Variants in IFI27 observed in about 807,000 individuals in gnomAD.
IFI27 encodes interferon alpha-inducible protein 27, mitochondrial.
A neutral mutation model predicts 8.9 loss-of-function variants in IFI27; 3 were observed. That is an observed-to-expected ratio of 0.34 (90% CI 0.15 to 0.87). IFI27 has a LOEUF of 0.87. IFI27 is among the 40% of genes least tolerant of loss of function. The probability of loss-of-function intolerance (pLI) is 0.51; values close to 1 mark genes in which losing one functional copy is unlikely to be tolerated. For missense variants in IFI27, 152 were observed against 157.7 expected (o/e 0.96, Z 0.19); for synonymous variants, 66 against 67.3 (o/e 0.98, Z 0.09).
chr14:94,108,866 G>A (rs929256424), upstream of IFI27, among the ~76,000 whole-genome samples: 1 of 152,190 alleles, frequency 6.6e-6, no homozygotes, highest in African/African-American at 2.4e-5. Flanking sequence ...GACCAGGGTG[G>A]CCTTTTTGTT....
At chr14:94,115,545 G>A (rs928956030) in intron 3 of IFI27, 5 of 608,898 alleles carry the variant, frequency 8.2e-6, no homozygotes. Flanking sequence ...AGGTCCTGCT[G>A]CCCAGAAGAG....
At chr14:94,115,669 G>A (rs1190982769) in intron 3 of IFI27, 112 bp from the exon 4 acceptor site, 8 of 1,133,640 alleles carry the variant, frequency 7.1e-6, no homozygotes, top group Admixed American at 5.3e-5. Flanking sequence ...TCTCTCCCAA[G>A]CTCAAAGTTC....
chr14:94,106,697 G>A (rs1235981204), upstream of IFI27, among the ~76,000 whole-genome samples: 1 of 152,324 alleles, frequency 6.6e-6, no homozygotes, highest in Non-Finnish European at 1.5e-5. Context: ...TTGGCTCATG[G>A]TTCTGCAGGG....
upstream of IFI27, chr14:94,110,585 A>G (rs939614791): frequency 6.6e-6 from 1 of 152,106 alleles, no homozygotes; most frequent in African/African-American, 2.4e-5. Context: ...AAATAACTGA[A>G]TTTTCTTCTG....
chr14:94,115,979 G>A (rs1213419872), intron 4 of IFI27, 37 bp downstream of exon 4: 2 of 1,548,114 alleles, frequency 1.3e-6, no homozygotes, highest in African/African-American at 1.4e-5. Context: ...GGAGGGCGAT[G>A]AGGAGGGCAA....
Position 94,116,563 on chromosome 14 carries a change from G to A in IFI27, c.*36G>A, listed in dbSNP as rs1206418030. The stretch of plus-strand genomic sequence containing the variant: ...CTCGCCCTGCAGAGAAGAGAACCAT[G>A]CCAGGGGAGAAGGCACCCAGCCATC... On this transcript the variant is annotated 3_prime_UTR_variant, in exon 5 of 5. Coordinates refer to ENST00000621160, the Ensembl canonical transcript of IFI27. The surrounding 1 kb of genome is among the most constrained non-coding windows in gnomAD (Gnocchi z 4.3). 4 of 1,551,764 alleles carry A rather than the reference G, an allele frequency of 2.6e-6. No homozygotes were observed. Among genetic ancestry groups the A allele is most frequent in the Non-Finnish European group, 2.7e-6 (3 of 1,131,134 alleles).
At chr14:94,115,423 C>T (rs1346275878) in intron 3 of IFI27, 7 of 566,282 alleles carry the variant, frequency 1.2e-5, no homozygotes, top group Non-Finnish European at 2.3e-5. Flanking sequence ...ATCTGCTCCC[C>T]TAATGAGATT....
At chr14:94,110,873 G>A (rs899903570) in intron 1 of IFI27, 76 bp downstream of exon 1, 28 of 154,318 alleles carry the variant, frequency 1.8e-4, no homozygotes, top group African/African-American at 4.8e-4. Context: ...CTCAGGGAGC[G>A]GAGGGGAGGC....
intron 2 of IFI27, chr14:94,114,419 A>G (rs1172154888): frequency 5.5e-6 from 1 of 180,422 alleles, no homozygotes; most frequent in African/African-American, 2.3e-5. Context: ...CGGTCAAACC[A>G]CCAAGCCCTA....
upstream of IFI27, among the ~76,000 whole-genome samples, chr14:94,110,383 C>T (rs186761048): frequency 2.6e-5 from 4 of 152,312 alleles, no homozygotes; most frequent in African/African-American, 4.8e-5. Context: ...ATCTGCCTAT[C>T]GCAAGGACTA....
chr14:94,111,814 G>A lies in IFI27; in HGVS notation c.91+41G>A. ...AGGGGCTGGTGCTGGGGGCGAGGAGGCGGCTGGGAAGGGCGGGGGTCCTGT... is the reference window on the plus strand; with the variant it reads ...AGGGGCTGGTGCTGGGGGCGAGGAGACGGCTGGGAAGGGCGGGGGTCCTGT... On this transcript the variant is annotated intron_variant, in intron 2 of 4. Transcript: ENST00000621160. The surrounding 1 kb of genome is among the most constrained non-coding windows in gnomAD (Gnocchi z 4.3). The A allele has an allele frequency of 6.6e-7, 1 of 1,517,252 alleles. No individual in the cohort carries two copies. Among genetic ancestry groups the A allele is most frequent in the African/African-American group, 1.4e-5 (1 of 73,148 alleles). 94.0% of individuals were successfully genotyped at this position (1,517,252 alleles called of 1,614,324 possible). A position where few individuals can be genotyped will look rare whatever the true frequency, so the allele number is the denominator to read the frequency against.
intron 2 of IFI27, chr14:94,114,630 C>A (rs1887318657): frequency 3.5e-6 from 2 of 567,134 alleles, no homozygotes; most frequent in Admixed American, 6.0e-5. Context: ...CACGTAAATT[C>A]ATTCAGGACA....
At chr14:94,115,179 T>G in intron 3 of IFI27, 2 of 656,516 alleles carry the variant, frequency 3.0e-6, no homozygotes, top group South Asian at 3.1e-5. Flanking sequence ...TGAACTCCTC[T>G]GAGCTCCTGT....
rs1317294828 is a variant in IFI27 at position 94,111,739 on chromosome 14, G to T, written c.57G>T (p.Arg19Ser). ...TGACCAGTGTGGCCAAAGTGGTCAGGGTGGCCTCTGGCTCTGCCGTAGTTT... is the reference window on the plus strand; with the variant it reads ...TGACCAGTGTGGCCAAAGTGGTCAGTGTGGCCTCTGGCTCTGCCGTAGTTT... Residue 19 changes from arginine to serine, a missense_variant, in exon 2 of 5, where the codon AGG becomes AGT. Physicochemically the swap from Arg to Ser is moderately radical, Grantham distance 110. Coordinates refer to ENST00000621160, the Ensembl canonical transcript of IFI27. The surrounding 1 kb of genome is among the most constrained non-coding windows in gnomAD (Gnocchi z 4.3). The T allele has an allele frequency of 2.5e-6, 4 of 1,614,084 alleles. No homozygotes were observed. The highest frequency in any genetic ancestry group is 3.4e-6 in the Non-Finnish European group (4 of 1,180,010).
chr14:94,115,911 G>C (rs777548394), exon 4 of IFI27: 2 of 1,591,044 alleles, frequency 1.3e-6, no homozygotes, highest in African/African-American at 1.3e-5. Flanking sequence ...GAGTTGCCTC[G>C]GGCAGCCTTG....
Position 94,116,616 on chromosome 14 carries a change from A to G in IFI27, c.*89A>G, listed in dbSNP as rs1887428101. 4 of 904,668 alleles carry G rather than the reference A, an allele frequency of 4.4e-6. No individual in the cohort carries two copies. The Admixed American group carries it at 8.1e-5, about 18-fold the overall frequency. The allele number at this position is 904,668 out of a possible 1,614,324, so 56.0% of individuals were successfully genotyped here. A position where few individuals can be genotyped will look rare whatever the true frequency, so the allele number is the denominator to read the frequency against. ...GACCCAGCGAGGAGCCAACTATCCC[A>G]AATATACCTGGGGTGAAATATACCA... On this transcript the variant is annotated 3_prime_UTR_variant, in exon 5 of 5. Transcript: ENST00000621160. This position sits in a 1 kb window ranked among gnomAD's most constrained non-coding sequence, Gnocchi z 4.3.
chr14:94,114,848 C>T lies in IFI27; in HGVS notation c.92-3C>T. Reference sequence around the variant, plus strand: ...ACTCACAGAATGTTCTTTTGGTTTCCAGCCAGGATTGCTACAGTTGTGATT... The same window carrying T: ...ACTCACAGAATGTTCTTTTGGTTTCTAGCCAGGATTGCTACAGTTGTGATT... On this transcript the variant is annotated splice_polypyrimidine_tract_variant and splice_region_variant and intron_variant, in intron 2 of 4. Coordinates refer to ENST00000621160, the Ensembl canonical transcript of IFI27. 1.2e-6 allele frequency: 2 copies of T among 1,614,162 alleles called. No individual in the cohort carries two copies. The highest frequency in any genetic ancestry group is 1.7e-6 in the Non-Finnish European group (2 of 1,179,994).
rs1243836942 is a variant in IFI27 at position 94,111,727 on chromosome 14, C to T, written c.45C>T (p.Ala15=). 1.2e-6 allele frequency: 2 copies of T among 1,614,202 alleles called. No homozygotes were observed. The highest frequency in any genetic ancestry group is 1.7e-6 in the Non-Finnish European group (2 of 1,180,026). The change falls in exon 2 of 5, where the codon GCC becomes GCT. Residue 15 remains alanine, a synonymous_variant. Coordinates refer to ENST00000621160, the Ensembl canonical transcript of IFI27. The surrounding 1 kb of genome is among the most constrained non-coding windows in gnomAD (Gnocchi z 4.3). ...CCTCATCAGCAGTGACCAGTGTGGCCAAAGTGGTCAGGGTGGCCTCTGGCT... is the reference window on the plus strand; with the variant it reads ...CCTCATCAGCAGTGACCAGTGTGGCTAAAGTGGTCAGGGTGGCCTCTGGCT...
In IFI27 at chr14:94,116,486, A is replaced by C; in HGVS notation, c.328A>C (p.Ile110Leu). ...ATTGACCAAGTTCATCCTGGGCTCC[A>C]TTGGGTCTGCCATTGCGGCTGTCAT... The change falls in exon 5 of 5, where the codon ATT (isoleucine) becomes CTT (leucine). Residue 110 changes from isoleucine (I) to leucine (L), a missense_variant. Coordinates refer to ENST00000621160, the Ensembl canonical transcript of IFI27. This position sits in a 1 kb window ranked among gnomAD's most constrained non-coding sequence, Gnocchi z 4.3. 6.2e-7 allele frequency: 1 copy of C among 1,613,544 alleles called. No homozygotes were observed. Among genetic ancestry groups the C allele is most frequent in the East Asian group, 2.2e-5 (1 of 44,868 alleles).
Sources: allele counts gnomAD v4.1 joint callset (sites outside exome capture counted in the v4.1 genomes callset), GRCh38; gene constraint gnomAD v4.1.1; non-coding constraint Gnocchi (gnomAD v3.1); transcripts MANE v1.5; gene names NCBI Gene and HGNC (gene_info 2026-07-23, HGNC 2026-07-21).